Variants in RBFOX1 observed in about 807,000 individuals in gnomAD.
RBFOX1 encodes RNA binding fox-1 homolog 1.
Under a neutral mutation model 57.7 loss-of-function variants are expected in RBFOX1, and 8 were observed. The ratio of observed to expected loss-of-function variants is 0.14; its 90% CI spans 0.08 to 0.25. RBFOX1 has a LOEUF of 0.25. Ranked by LOEUF, RBFOX1 falls within the 10% of genes least tolerant of loss-of-function variation. The pLI is 1.00. For synonymous variants in RBFOX1, 326 were observed against 222.4 expected (o/e 1.47, Z -4.15); for missense variants, 611 against 548.5 (o/e 1.11, Z -1.14).
intron 2 of RBFOX1, among the ~76,000 whole-genome samples, chr16:6,651,646 G>A (rs1478178197): frequency 6.6e-6 from 1 of 152,090 alleles, no homozygotes; most frequent in African/African-American, 2.4e-5. Flanking sequence ...AAAACGGTAG[G>A]GTGGTTCCTC....
chr16:5,466,153 G>T (rs954674122), intron 1 of RBFOX1, among the ~76,000 whole-genome samples: 10 of 152,244 alleles, frequency 6.6e-5, no homozygotes, highest in Admixed American at 6.5e-4. Context: ...CGGCAGAAGC[G>T]CAAGCTTGCG....
intron 4 of RBFOX1, among the ~76,000 whole-genome samples, chr16:7,209,159 A>G (rs1326385552): frequency 7.0e-6 from 1 of 143,646 alleles, no homozygotes; most frequent in Non-Finnish European, 1.5e-5. Flanking sequence ...AATAATAATA[A>G]TAATAATAAT....
chr16:5,371,148 A>G (rs762057227), intron 1 of RBFOX1, among the ~76,000 whole-genome samples: 1 of 151,616 alleles, frequency 6.6e-6, no homozygotes, highest in Non-Finnish European at 1.5e-5. Flanking sequence ...AGGTTTCACC[A>G]TATTGGTCAG....
At chr16:5,661,243 A>G (rs904778848) in intron 3 of RBFOX1, among the ~76,000 whole-genome samples, 2 of 151,000 alleles carry the variant, frequency 1.3e-5, no homozygotes, top group Non-Finnish European at 1.5e-5. Context: ...AGGAAAATAT[A>G]ACAATGAGTA....
intron 2 of RBFOX1, among the ~76,000 whole-genome samples, chr16:6,648,897 A>G (rs1479927979): frequency 6.6e-6 from 1 of 152,214 alleles, no homozygotes; most frequent in Non-Finnish European, 1.5e-5. Context: ...ATGTGTGTAC[A>G]TTGTGGAATG....
chr16:6,549,589 C>A (rs909584175), intron 2 of RBFOX1, among the ~76,000 whole-genome samples: 2 of 150,794 alleles, frequency 1.3e-5, no homozygotes, highest in African/African-American at 2.4e-5. Flanking sequence ...AGGAGGAAAG[C>A]ATTCACTTGA....
At chr16:5,880,316 G>C (rs1462938942) in intron 4 of RBFOX1, among the ~76,000 whole-genome samples, 1 of 152,146 alleles carries the variant, frequency 6.6e-6, no homozygotes, top group Non-Finnish European at 1.5e-5. Context: ...TGCCTCCCAA[G>C]GTTCTTGACA....
At chr16:5,288,562 C>A (rs115129113) in intron 1 of RBFOX1, among the ~76,000 whole-genome samples, 2,330 of 151,918 alleles carry the variant, frequency 0.015, 52 homozygotes, top group African/African-American at 0.054. Context: ...ATATTTGCCT[C>A]CAGAGTAGAA....
At chr16:6,687,052 A>C (rs879060223) in intron 3 of RBFOX1, among the ~76,000 whole-genome samples, 5 of 152,220 alleles carry the variant, frequency 3.3e-5, no homozygotes, top group African/African-American at 1.2e-4. Flanking sequence ...GCAGTGTTAA[A>C]AACAGGAACA....
intron 1 of RBFOX1, among the ~76,000 whole-genome samples, chr16:5,425,332 C>G (rs1376631469): frequency 1.3e-5 from 2 of 152,062 alleles, no homozygotes; most frequent in East Asian, 3.9e-4. Context: ...TCTCGGACTC[C>G]TGACCTCATG....
intron 2 of RBFOX1, among the ~76,000 whole-genome samples, chr16:6,333,939 C>T (rs1044867154): frequency 2.6e-5 from 4 of 152,216 alleles, no homozygotes; most frequent in African/African-American, 9.6e-5. Flanking sequence ...CTATTTAGTA[C>T]CCCGAGGGCC....
intron 1 of RBFOX1, among the ~76,000 whole-genome samples, chr16:5,339,697 T>C (rs1166848475): frequency 6.6e-6 from 1 of 151,946 alleles, no homozygotes; most frequent in Non-Finnish European, 1.5e-5. Context: ...CAGGCTGGTC[T>C]CGAACTCCTG....
At chr16:5,618,454 C>A (rs2048111655) in intron 3 of RBFOX1, among the ~76,000 whole-genome samples, 2 of 152,264 alleles carry the variant, frequency 1.3e-5, no homozygotes, top group East Asian at 3.9e-4. Context: ...TCTCCTGCCT[C>A]AGCCTCCCAA....
chr16:6,843,289 A>G (rs1244169325), intron 3 of RBFOX1, among the ~76,000 whole-genome samples: 1 of 152,170 alleles, frequency 6.6e-6, no homozygotes, highest in Non-Finnish European at 1.5e-5. Context: ...AGGATGTCAC[A>G]CAGAGTGGCC....
intron 4 of RBFOX1, among the ~76,000 whole-genome samples, chr16:7,264,900 A>C (rs2095067827): frequency 6.6e-6 from 1 of 152,178 alleles, no homozygotes; most frequent in African/African-American, 2.4e-5. Context: ...CCCCCAGTCC[A>C]CCTTCCCACA....
chr16:5,344,107 A>C (rs748121572), intron 1 of RBFOX1, among the ~76,000 whole-genome samples: 1 of 152,240 alleles, frequency 6.6e-6, no homozygotes, highest in African/African-American at 2.4e-5. Flanking sequence ...TATCTACATC[A>C]GTAATGGGTT....
intron 1 of RBFOX1, among the ~76,000 whole-genome samples, chr16:6,313,888 C>T (rs906596296): frequency 1.3e-5 from 2 of 152,000 alleles, no homozygotes; most frequent in African/African-American, 4.8e-5. Context: ...GGTTTTCTTG[C>T]TGTCTGGTAC....
chr16:5,900,064 C>G (rs529308394), intron 4 of RBFOX1, among the ~76,000 whole-genome samples: 1 of 152,276 alleles, frequency 6.6e-6, no homozygotes, highest in East Asian at 1.9e-4. Context: ...GGTGACAGAG[C>G]AAGACTCTGT....
chr16:5,809,676 C>G (rs999164627), intron 3 of RBFOX1, among the ~76,000 whole-genome samples: 4 of 152,160 alleles, frequency 2.6e-5, no homozygotes, highest in South Asian at 2.1e-4. Flanking sequence ...CAGGAAACAA[C>G]AGGTGCTGGA....
Sources: gnomAD v4.1 joint callset for allele counts (sites outside exome capture counted in the v4.1 genomes callset) on GRCh38, gnomAD v4.1.1 for gene constraint, MANE v1.5 for transcripts, NCBI Gene and HGNC (gene_info 2026-07-23, HGNC 2026-07-21) for gene names.